Variants in CEMIP observed in about 807,000 individuals in gnomAD.
CEMIP encodes the protein cell migration inducing hyaluronidase 1.
Under a neutral mutation model 156.9 loss-of-function variants are expected in CEMIP, and 105 were observed. The observed-to-expected ratio is 0.67, with a 90% CI of 0.57 to 0.79. The LOEUF is 0.79. Among genes scored for constraint, CEMIP ranks in the 30% least tolerant of loss-of-function variants. The pLI is 0.00. For synonymous variants in CEMIP, 676 were observed against 668.4 expected (o/e 1.01, Z -0.17); for missense variants, 1,457 against 1,769.4 (o/e 0.82, Z 3.17).
chr15:80,920,088 C>T lies in CEMIP; in HGVS notation c.1798-6C>T. ...TGGTGAAACACCCCTGTCTTGACCC[C>T]TGCAGATCAAGGACGTTGTGGGCTA... is the stretch of plus-strand genomic sequence containing the variant. On this transcript the variant is annotated splice_region_variant and splice_polypyrimidine_tract_variant and intron_variant, in intron 14 of 29. Transcript: ENST00000394685. The T allele has an allele frequency of 1.9e-6, 3 of 1,614,134 alleles. No individual in the cohort carries two copies. Among genetic ancestry groups the T allele is most frequent in the Non-Finnish European group, 2.5e-6 (3 of 1,179,964 alleles).
intron 1 of CEMIP, among the ~76,000 whole-genome samples, chr15:80,830,362 C>T (rs931273867): frequency 3.3e-5 from 5 of 152,158 alleles, no homozygotes; most frequent in Non-Finnish European, 7.3e-5. Flanking sequence ...AGCCTGTATC[C>T]ACAGTTCTTT....
chr15:80,871,340 G>C (rs1898285037), intron 1 of CEMIP, among the ~76,000 whole-genome samples: 1 of 152,150 alleles, frequency 6.6e-6, no homozygotes. Flanking sequence ...ATAGCAGAAG[G>C]TCTCACAAAT....
chr15:80,824,121 G>A (rs1896974249), intron 1 of CEMIP, among the ~76,000 whole-genome samples: 3 of 152,210 alleles, frequency 2.0e-5, no homozygotes, highest in South Asian at 2.1e-4. Flanking sequence ...GCTTATCAGC[G>A]CAAGTGAGAA....
At chr15:80,909,388 T>TA in intron 14 of CEMIP, 82 bp downstream of exon 14, 1 of 1,369,340 alleles carries the variant, frequency 7.3e-7, no homozygotes, top group Non-Finnish European at 1.0e-6. Context: ...TGTAGACACT[T>TA]AATCCAGGGC....
At chr15:80,870,815 A>T (rs1428361186) in intron 1 of CEMIP, among the ~76,000 whole-genome samples, 4 of 152,130 alleles carry the variant, frequency 2.6e-5, no homozygotes, top group Admixed American at 2.0e-4. Context: ...TGGCTTTCGG[A>T]AAAGGGTGCC....
Position 80,920,265 on chromosome 15 carries a change from C to T in CEMIP, c.1969C>T (p.Pro657Ser). The stretch of plus-strand genomic sequence containing the variant: ...CAAGATGATCACAGAGGACTCCTAC[C>T]CGGGGTACATCCCCAAGCCCAGGCA... ...MCKMITEDSY[P>S]GYIPKPRQDC... The change falls in exon 15 of 30, where the codon CCG becomes TCG. Residue 657 changes from proline (P) to serine (S), a missense_variant. By Grantham distance (74) the Pro-to-Ser change is moderately conservative. Around this residue, in one of 5 missense-constraint regions of CEMIP, gnomAD observed 798 missense variants for 980.1 expected, o/e 0.81. Coordinates refer to ENST00000394685, the MANE Select transcript of CEMIP (RefSeq NM_001293298.2). 3 of 1,614,164 alleles carry T rather than the reference C, an allele frequency of 1.9e-6. No individual in the cohort carries two copies. The highest frequency in any genetic ancestry group is 1.1e-5 in the South Asian group (1 of 91,072).
At chr15:80,812,775 T>G (rs1896700120) in intron 1 of CEMIP, among the ~76,000 whole-genome samples, 1 of 152,152 alleles carries the variant, frequency 6.6e-6, no homozygotes, top group Non-Finnish European at 1.5e-5. Context: ...AAGCAAATCA[T>G]TAGGTCTAAT....
At chr15:80,938,555 AG>A (rs760464755) in intron 25 of CEMIP, among the ~76,000 whole-genome samples, 79 of 152,222 alleles carry the variant, frequency 5.2e-4, no homozygotes, top group Non-Finnish European at 7.8e-4. Context: ...CAGTGAGCCA[AG>A]ATACTGCCAT....
intron 1 of CEMIP, among the ~76,000 whole-genome samples, chr15:80,794,703 G>C (rs966880597): frequency 6.6e-6 from 1 of 152,126 alleles, no homozygotes; most frequent in Non-Finnish European, 1.5e-5. Flanking sequence ...TCTCAATTCG[G>C]ACCTGCCATG....
chr15:80,855,116 G>A (rs918294369), intron 1 of CEMIP, among the ~76,000 whole-genome samples: 1 of 152,222 alleles, frequency 6.6e-6, no homozygotes, highest in Non-Finnish European at 1.5e-5. Context: ...GAGTACAGGG[G>A]TTTGAGGCTG....
intron 6 of CEMIP, among the ~76,000 whole-genome samples, chr15:80,881,530 A>T (rs547458977): frequency 6.6e-6 from 1 of 151,558 alleles, no homozygotes; most frequent in South Asian, 2.1e-4. Flanking sequence ...TTCAAGACAG[A>T]CAGCAAGTGC....
chr15:80,853,314 C>T (rs1897758124), intron 1 of CEMIP, among the ~76,000 whole-genome samples: 1 of 152,156 alleles, frequency 6.6e-6, no homozygotes, highest in East Asian at 1.9e-4. Flanking sequence ...TGTCTCCTAG[C>T]TTCAAAGGCA....
chr15:80,780,781 C>T (rs535867386), intron 1 of CEMIP, among the ~76,000 whole-genome samples: 1 of 152,302 alleles, frequency 6.6e-6, no homozygotes, highest in South Asian at 2.1e-4. Flanking sequence ...CGCGACGCCA[C>T]CATGGACAGC....
intron 1 of CEMIP, among the ~76,000 whole-genome samples, chr15:80,843,107 C>A (rs1044550546): frequency 1.3e-5 from 2 of 152,172 alleles, no homozygotes; most frequent in African/African-American, 4.8e-5. Flanking sequence ...TAACAGTGAA[C>A]TCACTACATG....
intron 12 of CEMIP, among the ~76,000 whole-genome samples, chr15:80,900,589 T>TGTGG (rs1899448554): frequency 3.1e-5 from 2 of 65,046 alleles, no homozygotes; most frequent in South Asian, 7.8e-4. Flanking sequence ...GGTAGGGGTG[T>TGTGG]GTGTGTGTGT....
At chr15:80,814,407 C>T (rs1896744460) in intron 1 of CEMIP, among the ~76,000 whole-genome samples, 1 of 152,138 alleles carries the variant, frequency 6.6e-6, no homozygotes, top group Non-Finnish European at 1.5e-5. Context: ...TCCAGCTCAG[C>T]CTGGTACCCA....
At chr15:80,815,343 TC>T (rs1249323724) in intron 1 of CEMIP, among the ~76,000 whole-genome samples, 1 of 152,240 alleles carries the variant, frequency 6.6e-6, no homozygotes, top group Non-Finnish European at 1.5e-5. Flanking sequence ...TCTGTCCCTA[TC>T]TAGCTTTGAG....
chr15:80,882,769 CACACACACACACAT>C (rs1319109481), intron 6 of CEMIP, among the ~76,000 whole-genome samples: 1 of 152,008 alleles, frequency 6.6e-6, no homozygotes, highest in Admixed American at 6.6e-5. Flanking sequence ...CACACACACA[CACACACACACACAT>C]ACACACACAC....
At chr15:80,884,499 C>G in intron 7 of CEMIP, 145 bp downstream of exon 7, 1 of 839,926 alleles carries the variant, frequency 1.2e-6, no homozygotes, top group Non-Finnish European at 2.0e-6. Context: ...CATTTGACAT[C>G]TGAGTTTGGC....
Sources: gnomAD v4.1 joint callset for allele counts (sites outside exome capture counted in the v4.1 genomes callset) on GRCh38, gnomAD v4.1.1 for gene constraint, gnomAD v4.1.1 regional missense constraint, MANE v1.5 for transcripts, NCBI Gene and HGNC (gene_info 2026-07-23, HGNC 2026-07-21) for gene names.